CSMD1: variants seen among roughly 807,000 people sequenced by gnomAD.
The protein encoded by CSMD1 is CUB and Sushi multiple domains 1.
In CSMD1, 213 loss-of-function variants were observed where a neutral mutation model predicts 417.5. The observed-to-expected ratio is 0.51, with a 90% CI of 0.46 to 0.57. The LOEUF is 0.57. Among genes scored for constraint, CSMD1 ranks in the 20% least tolerant of loss-of-function variants. The probability of loss-of-function intolerance (pLI) is 0.00; values close to 1 mark genes in which losing one functional copy is unlikely to be tolerated. For missense variants in CSMD1, 6,923 were observed against 4,529.7 expected (o/e 1.53, Z -15.17); for synonymous variants, 2,862 against 1,736.8 (o/e 1.65, Z -16.11).
At chr8:4,079,464 T>A (rs1800009514) in intron 3 of CSMD1, among the ~76,000 whole-genome samples, 1 of 152,362 alleles carries the variant, frequency 6.6e-6, no homozygotes, top group East Asian at 1.9e-4. Context: ...TCTTCTGAGT[T>A]CTATCATCAT....
intron 7 of CSMD1, among the ~76,000 whole-genome samples, chr8:3,660,280 C>A (rs1014162334): frequency 2.6e-5 from 4 of 152,042 alleles, no homozygotes; most frequent in Admixed American, 2.0e-4. Flanking sequence ...TATGTTTTTC[C>A]ATGACCTTAT....
intron 37 of CSMD1, among the ~76,000 whole-genome samples, chr8:3,174,166 G>C (rs535688952): frequency 2.6e-5 from 4 of 152,168 alleles, no homozygotes; most frequent in Non-Finnish European, 4.4e-5. Flanking sequence ...AATTAATTCA[G>C]TTAGTTATAT....
At chr8:4,819,813 G>A (rs1194307420) in intron 1 of CSMD1, among the ~76,000 whole-genome samples, 2 of 152,052 alleles carry the variant, frequency 1.3e-5, no homozygotes, top group East Asian at 3.9e-4. Flanking sequence ...GTTTGGGTGT[G>A]GAGGTTCCAT....
At chr8:2,999,815 CTCTT>C in intron 53 of CSMD1, 139 bp downstream of exon 53, 2 of 648,006 alleles carry the variant, frequency 3.1e-6, no homozygotes, top group Non-Finnish European at 4.9e-6. Context: ...CTCTCCTGTT[CTCTT>C]TCTTTGTATA....
intron 4 of CSMD1, among the ~76,000 whole-genome samples, chr8:3,999,455 T>C (rs1169120213): frequency 6.6e-6 from 1 of 152,118 alleles, no homozygotes; most frequent in Non-Finnish European, 1.5e-5. Flanking sequence ...GCGATGTTCG[T>C]TTTATTTTGG....
chr8:4,493,067 T>A (rs937723897), intron 2 of CSMD1, among the ~76,000 whole-genome samples: 1 of 152,210 alleles, frequency 6.6e-6, no homozygotes, highest in Admixed American at 6.5e-5. Flanking sequence ...GTTCTGAGGT[T>A]AATACATTTG....
chr8:4,440,465 C>A lies in CSMD1; in HGVS notation c.303-20400G>T, dbSNP rs577358037. Among the ~76,000 whole-genome samples the A allele has an allele frequency of 3.3e-5, 5 of 151,402 alleles. No individual in the cohort carries two copies. The East Asian group carries it at 9.7e-4, about 29-fold the overall frequency. On this transcript the variant is annotated intron_variant, in intron 2 of 69. Transcript: ENST00000635120. ...AAATCATTGTTCATCTTGTTACTCACAAAAAAAAATCTCAGCAACTGTTCT... is the reference window on the plus strand; with the variant it reads ...AAATCATTGTTCATCTTGTTACTCAAAAAAAAAAATCTCAGCAACTGTTCT...
intron 1 of CSMD1, chr8:4,788,007 G>C: frequency 1.3e-6 from 2 of 1,590,560 alleles, no homozygotes; most frequent in Admixed American, 1.7e-5. Context: ...GTGTTATCGG[G>C]ATCTCAAAGA....
intron 26 of CSMD1, among the ~76,000 whole-genome samples, chr8:3,252,694 A>C (rs1181252612): frequency 6.6e-6 from 1 of 152,006 alleles, no homozygotes; most frequent in Non-Finnish European, 1.5e-5. Context: ...CTGGTCCTGG[A>C]CTTTTTTTAG....
intron 5 of CSMD1, among the ~76,000 whole-genome samples, chr8:3,843,957 G>A (rs985686508): frequency 6.6e-6 from 1 of 152,102 alleles, no homozygotes; most frequent in Non-Finnish European, 1.5e-5. Flanking sequence ...ACAATGATGA[G>A]GAACTCAGAA....
intron 2 of CSMD1, among the ~76,000 whole-genome samples, chr8:4,450,844 G>C (rs751519577): frequency 6.6e-6 from 1 of 152,096 alleles, no homozygotes; most frequent in Non-Finnish European, 1.5e-5. Context: ...TAAGGGTGGT[G>C]GATGTGAGAG....
At position 2,942,465 on chromosome 8, in the gene CSMD1, G is replaced by GC; in HGVS notation, c.10535+6dup. 3.1e-6 allele frequency: 5 copies of GC among 1,610,264 alleles called. No individual in the cohort carries two copies. The highest frequency in any genetic ancestry group is 2.7e-5 in the African/African-American group (2 of 74,910). On this transcript the variant is annotated splice_region_variant and intron_variant, in intron 69 of 69. Coordinates refer to ENST00000635120, the MANE Select transcript of CSMD1 (RefSeq NM_033225.6). The stretch of plus-strand genomic sequence containing the variant: ...ACATTCTCAAACAGATGGTGTTTCT[G>GC]CAGTACCTGTGTTTGTAGAGGTAAA...
At chr8:4,816,627 C>G (rs998261295) in intron 1 of CSMD1, among the ~76,000 whole-genome samples, 6 of 152,152 alleles carry the variant, frequency 3.9e-5, no homozygotes, top group African/African-American at 1.4e-4. Flanking sequence ...CATGTGAACA[C>G]CTGTTCCCGA....
At chr8:4,208,686 G>C (rs1336814734) in intron 3 of CSMD1, among the ~76,000 whole-genome samples, 1 of 152,120 alleles carries the variant, frequency 6.6e-6, no homozygotes, top group Non-Finnish European at 1.5e-5. Flanking sequence ...ATCATGATGA[G>C]TCAAGAAATG....
At chr8:4,417,680 A>G (rs934162587) in intron 3 of CSMD1, among the ~76,000 whole-genome samples, 1 of 152,044 alleles carries the variant, frequency 6.6e-6, no homozygotes, top group Non-Finnish European at 1.5e-5. Flanking sequence ...TCTCTCCAAA[A>G]TAAAAACTAA....
In CSMD1 at chr8:3,183,779, C is replaced by CCAAT. The variant is rs1334343394; in HGVS notation, c.5621-2569_5621-2566dup. Among the ~76,000 whole-genome samples the CCAAT allele has an allele frequency of 3.3e-5, 5 of 152,330 alleles. No homozygotes were observed. In the South Asian group the frequency reaches 8.3e-4, roughly 25 times the overall value. On this transcript the variant is annotated intron_variant, in intron 36 of 69. Coordinates refer to ENST00000635120, the MANE Select transcript of CSMD1 (RefSeq NM_033225.6). Reference sequence around the variant, plus strand: ...TTTCTCCATGACCCCAGACTGCCCTCCAATCAGTCATCACGCCTTAACTGG... The same window carrying CCAAT: ...TTTCTCCATGACCCCAGACTGCCCTCCAATCAATCAGTCATCACGCCTTAACTGG...
chr8:3,066,784 C>T (rs1459604233), intron 49 of CSMD1, among the ~76,000 whole-genome samples: 1 of 152,122 alleles, frequency 6.6e-6, no homozygotes, highest in African/African-American at 2.4e-5. Flanking sequence ...CTGAGCTACA[C>T]AGAAAATTGG....
At chr8:3,489,780 T>C (rs907214155) in intron 11 of CSMD1, among the ~76,000 whole-genome samples, 1 of 152,210 alleles carries the variant, frequency 6.6e-6, no homozygotes, top group African/African-American at 2.4e-5. Context: ...TTTTAGGCTA[T>C]TTCATTTTCC....
intron 26 of CSMD1, among the ~76,000 whole-genome samples, chr8:3,237,614 CTATAAA>C (rs906684643): frequency 1.4e-5 from 2 of 141,872 alleles, no homozygotes; most frequent in Non-Finnish European, 3.0e-5. Context: ...TATACTTATA[CTATAAA>C]TATATTTTTT....
Sources: gnomAD v4.1 joint callset for allele counts (sites outside exome capture counted in the v4.1 genomes callset) on GRCh38, gnomAD v4.1.1 for gene constraint, MANE v1.5 for transcripts, NCBI Gene and HGNC (gene_info 2026-07-23, HGNC 2026-07-21) for gene names.